NIBAN1: variants seen among roughly 807,000 people sequenced by gnomAD.
NIBAN1 encodes the protein niban apoptosis regulator 1, also known as protein Niban 1.
In NIBAN1, 81 loss-of-function variants were observed where a neutral mutation model predicts 75.1. The ratio of observed to expected loss-of-function variants is 1.08; its 90% CI spans 0.90 to 1.30. The LOEUF (loss-of-function observed/expected upper bound fraction) is 1.30, where lower values mean the gene tolerates loss of function less well. Ranked by LOEUF, NIBAN1 falls within the 50% of genes most tolerant of loss-of-function variation. The pLI is 0.00. For missense variants in NIBAN1, 1,133 were observed against 1,128.1 expected (o/e 1.00, Z -0.06); for synonymous variants, 436 against 424.8 (o/e 1.03, Z -0.32).
At chr1:184,884,535 TC>T in intron 5 of NIBAN1, 97 bp downstream of exon 5, 1 of 1,505,348 alleles carries the variant, frequency 6.6e-7, no homozygotes, top group South Asian at 1.3e-5. Flanking sequence ...CATCTGTGGC[TC>T]TTTCTAAGAA....
intron 1 of NIBAN1, among the ~76,000 whole-genome samples, chr1:184,918,640 C>A (rs1287279541): frequency 6.6e-6 from 1 of 152,196 alleles, no homozygotes; most frequent in Non-Finnish European, 1.5e-5. Context: ...TACCTTGAAG[C>A]TTCTCCTGAA....
intron 5 of NIBAN1, among the ~76,000 whole-genome samples, chr1:184,865,999 T>C (rs908893621): frequency 6.6e-6 from 1 of 152,184 alleles, no homozygotes; most frequent in African/African-American, 2.4e-5. Flanking sequence ...ACTATTCTTA[T>C]CATTTCCAGA....
At chr1:184,891,034 T>C (rs1656654647) in intron 3 of NIBAN1, among the ~76,000 whole-genome samples, 1 of 152,164 alleles carries the variant, frequency 6.6e-6, no homozygotes, top group South Asian at 2.1e-4. Flanking sequence ...ACCCAAAATC[T>C]AGAATTTACT....
chr1:184,865,307 G>A (rs1415169673), intron 5 of NIBAN1, among the ~76,000 whole-genome samples: 5 of 152,110 alleles, frequency 3.3e-5, no homozygotes, highest in Non-Finnish European at 7.4e-5. Flanking sequence ...CATGTCCTTT[G>A]TAGCAACATG....
intron 1 of NIBAN1, among the ~76,000 whole-genome samples, chr1:184,916,327 T>A (rs1657382633): frequency 6.6e-6 from 1 of 152,234 alleles, no homozygotes; most frequent in Non-Finnish European, 1.5e-5. Flanking sequence ...ATACATTATT[T>A]ACATGTAATG....
In NIBAN1 at chr1:184,967,947, T is replaced by A. The variant is rs1658841989; in HGVS notation, c.55+6355A>T. ...GGCCGGGCGCGGTGGCTCACGCCTGTAATCCCAGCACTTTGGGAGGCCGAG... is the reference window on the plus strand; with the variant it reads ...GGCCGGGCGCGGTGGCTCACGCCTGAAATCCCAGCACTTTGGGAGGCCGAG... On this transcript the variant is annotated intron_variant, in intron 1 of 13. Transcript: ENST00000367511. Among the ~76,000 whole-genome samples the A allele has an allele frequency of 2.2e-4, 2 of 9,244 alleles. 1 individual carries two copies. Among genetic ancestry groups the A allele is most frequent in the Non-Finnish European group, 9.6e-4 (2 of 2,082 alleles). The allele number at this position is 9,244 out of a possible 152,430, so 6.1% of individuals were successfully genotyped here. A position where few individuals can be genotyped will look rare whatever the true frequency, so the allele number is the denominator to read the frequency against.
At chr1:184,875,184 C>T (rs921526449) in intron 5 of NIBAN1, among the ~76,000 whole-genome samples, 1 of 152,118 alleles carries the variant, frequency 6.6e-6, no homozygotes, top group Non-Finnish European at 1.5e-5. Context: ...CATTTAAATG[C>T]TTGTATTAGA....
intron 1 of NIBAN1, among the ~76,000 whole-genome samples, chr1:184,962,967 T>G (rs1335806482): frequency 2.0e-5 from 3 of 152,052 alleles, no homozygotes; most frequent in African/African-American, 7.2e-5. Flanking sequence ...AGCTAATAAA[T>G]GAAAACAAAA....
At chr1:184,954,147 TAGAG>T (rs1658426263) in intron 1 of NIBAN1, among the ~76,000 whole-genome samples, 1 of 152,220 alleles carries the variant, frequency 6.6e-6, no homozygotes, top group South Asian at 2.1e-4. Flanking sequence ...ATCGGTGAGT[TAGAG>T]AGGGAGAGTA....
intron 5 of NIBAN1, among the ~76,000 whole-genome samples, chr1:184,841,216 T>C (rs1655277929): frequency 1.3e-5 from 2 of 152,128 alleles, no homozygotes; most frequent in Middle Eastern, 3.4e-3. Context: ...TAGGCATGAA[T>C]AAAAAATTGG....
At chr1:184,974,223 C>G in intron 1 of NIBAN1, 79 bp downstream of exon 1, 6 of 1,375,354 alleles carry the variant, frequency 4.4e-6, no homozygotes, top group Non-Finnish European at 4.7e-6. Flanking sequence ...CGGGGCGCGC[C>G]CCTTGGGGCC....
intron 5 of NIBAN1, among the ~76,000 whole-genome samples, chr1:184,864,849 C>G (rs1320191944): frequency 6.6e-6 from 1 of 150,780 alleles, no homozygotes; most frequent in Non-Finnish European, 1.5e-5. Context: ...TGCATATGTA[C>G]CCTAAAACTT....
At chr1:184,949,129 G>A (rs1482347076) in intron 1 of NIBAN1, among the ~76,000 whole-genome samples, 2 of 152,160 alleles carry the variant, frequency 1.3e-5, no homozygotes, top group Admixed American at 6.5e-5. Flanking sequence ...CGAGGCGGGC[G>A]GATCATGAGG....
rs1654936222 is a variant in NIBAN1, at chr1:184,829,464, C to CTCT, written c.717+2382_717+2383insAGA. 1.5e-4 allele frequency among the ~76,000 whole-genome samples: 19 copies of CTCT among 129,050 alleles called. 3 individuals are homozygous for CTCT. The highest frequency in any genetic ancestry group is 1.8e-4 in the Non-Finnish European group (11 of 62,486). The allele number at this position is 129,050 out of a possible 152,430, so 84.7% of individuals were successfully genotyped here. On this transcript the variant is annotated intron_variant, in intron 6 of 13. Coordinates refer to ENST00000367511, the MANE Select transcript of NIBAN1 (RefSeq NM_052966.4). The stretch of plus-strand genomic sequence containing the variant: ...AAAGGATTTATTAAATACATATATT[C>CTCT]TTTTTTTTTTTTTTTTTTTTGAGAT...
At chr1:184,880,903 G>A (rs1656359786) in intron 5 of NIBAN1, among the ~76,000 whole-genome samples, 1 of 152,194 alleles carries the variant, frequency 6.6e-6, no homozygotes, top group Admixed American at 6.5e-5. Context: ...GGATTACAGT[G>A]TGACTCCAAA....
intron 6 of NIBAN1, among the ~76,000 whole-genome samples, chr1:184,825,521 C>A (rs1433894487): frequency 6.6e-6 from 1 of 151,806 alleles, no homozygotes; most frequent in African/African-American, 2.4e-5. Flanking sequence ...GGGACTGAAA[C>A]AAAGAAAAAG....
In NIBAN1 at chr1:184,803,625, A is replaced by C. The variant is rs1485942683; in HGVS notation, c.1514T>G (p.Leu505Arg). Residue 505 changes from leucine (L) to arginine (R), a missense_variant, in exon 12 of 14, where the codon CTT becomes CGT. Coordinates refer to ENST00000367511, the MANE Select transcript of NIBAN1 (RefSeq NM_052966.4). ...IFQEALVQIT[L>R]PTVQKALAST... Reference sequence around the variant, plus strand: ...CGCCAGTGCCTTCTGCACAGTGGGAAGTGTGATTTGAACTAGTGCCTCTTG... The same window carrying C: ...CGCCAGTGCCTTCTGCACAGTGGGACGTGTGATTTGAACTAGTGCCTCTTG... 6.2e-7 allele frequency: 1 copy of C among 1,614,214 alleles called. No individual in the cohort carries two copies. Among genetic ancestry groups the C allele is most frequent in the Non-Finnish European group, 8.5e-7 (1 of 1,180,020 alleles).
At chr1:184,853,275 T>A (rs550765820) in intron 5 of NIBAN1, among the ~76,000 whole-genome samples, 165 of 152,318 alleles carry the variant, frequency 1.1e-3, no homozygotes, top group African/African-American at 3.8e-3. Flanking sequence ...CATTAAGTGA[T>A]TCTATCTCAA....
chr1:184,803,128 A>C (rs1313356801), intron 12 of NIBAN1, among the ~76,000 whole-genome samples: 1 of 152,218 alleles, frequency 6.6e-6, no homozygotes, highest in Non-Finnish European at 1.5e-5. Flanking sequence ...TAACAGAACA[A>C]ATATCCTGTA....
Sources: gnomAD v4.1 joint callset for allele counts (sites outside exome capture counted in the v4.1 genomes callset) on GRCh38, gnomAD v4.1.1 for gene constraint, MANE v1.5 for transcripts, NCBI Gene and HGNC (gene_info 2026-07-23, HGNC 2026-07-21) for gene names.